The following PTPRS variants were observed in gnomAD, a reference collection of about 807,000 sequenced individuals.
PTPRS encodes the protein protein tyrosine phosphatase receptor type S.
In PTPRS, 63 loss-of-function variants were observed where a neutral mutation model predicts 215.3. The ratio of observed to expected loss-of-function variants is 0.29; its 90% CI spans 0.24 to 0.36. The LOEUF (loss-of-function observed/expected upper bound fraction) is 0.36. PTPRS is among the 10% of genes least tolerant of loss of function. PTPRS has a pLI of 1.00. For missense variants in PTPRS, 2,258 were observed against 2,825.8 expected (o/e 0.80, Z 4.56); for synonymous variants, 1,404 against 1,191.4 (o/e 1.18, Z -3.68).
At chr19:5,212,271 C>A (rs753380597) in intron 31 of PTPRS, 21 bp from the exon 32 acceptor site, 1 of 1,608,278 alleles carries the variant, frequency 6.2e-7, no homozygotes, top group Non-Finnish European at 8.5e-7. Flanking sequence ...AGCCACGTGG[C>A]GTTCAGGGGC....
intron 12 of PTPRS, 118 bp from the exon 13 acceptor site, chr19:5,239,181 G>A (rs574151313): frequency 4.8e-5 from 34 of 705,578 alleles, no homozygotes; most frequent in Non-Finnish European, 6.8e-5. Context: ...GAGAGAGAGA[G>A]AGAGAGACAG....
At chr19:5,264,912 GTCC>G (rs1197127865) in intron 5 of PTPRS, 93 bp downstream of exon 5, 109 of 1,388,920 alleles carry the variant, frequency 7.8e-5, no homozygotes, top group Non-Finnish European at 1.0e-4. Context: ...GTCTCTGTCT[GTCC>G]TCCAGTAGTC....
intron 1 of PTPRS, among the ~76,000 whole-genome samples, chr19:5,325,639 C>T (rs1188842706): frequency 5.3e-5 from 8 of 152,220 alleles, no homozygotes; most frequent in African/African-American, 1.9e-4. Context: ...TCCCCAAGGA[C>T]AGGCCCCCAC....
Position 5,206,856 on chromosome 19 carries a change from G to T in PTPRS, c.5779-14C>A, listed in dbSNP as rs369209182. ...CTGGTACTCATCCTGGGGGAGCAGA[G>T]GTGACCTGTTAGTACCTCCGCTGCT... On this transcript the variant is annotated splice_polypyrimidine_tract_variant and intron_variant, in intron 37 of 37. Transcript: ENST00000262963. 5 of 1,613,724 alleles carry T rather than the reference G, an allele frequency of 3.1e-6. No homozygotes were observed. Among genetic ancestry groups the T allele is most frequent in the Non-Finnish European group, 4.2e-6 (5 of 1,179,668 alleles).
intron 1 of PTPRS, among the ~76,000 whole-genome samples, chr19:5,331,658 A>C (rs1247004017): frequency 6.6e-6 from 1 of 152,194 alleles, no homozygotes; most frequent in Non-Finnish European, 1.5e-5. Context: ...CAGTACACTC[A>C]ACGAGTAATA....
intron 1 of PTPRS, among the ~76,000 whole-genome samples, chr19:5,297,443 A>G (rs2049169884): frequency 6.6e-6 from 1 of 152,194 alleles, no homozygotes; most frequent in African/African-American, 2.4e-5. Flanking sequence ...TGCTGTGCTG[A>G]GGACACAGTG....
intron 17 of PTPRS, among the ~76,000 whole-genome samples, chr19:5,224,913 G>C (rs2042338965): frequency 6.6e-6 from 1 of 152,128 alleles, no homozygotes; most frequent in African/African-American, 2.4e-5. Context: ...TCCCCGAGGA[G>C]AGGGTGGGTG....
intron 1 of PTPRS, among the ~76,000 whole-genome samples, chr19:5,331,868 C>T (rs60175272): frequency 6.6e-6 from 1 of 152,078 alleles, no homozygotes; most frequent in African/African-American, 2.4e-5. Context: ...CAACGTTTAT[C>T]GAGCGCGGAC....
chr19:5,229,265 G>A (rs565324113), intron 16 of PTPRS, 51 bp downstream of exon 16: 18 of 1,361,640 alleles, frequency 1.3e-5, no homozygotes, highest in African/African-American at 1.1e-4. Context: ...AGCACAGCAC[G>A]GCCCGCGGGA....
At chr19:5,260,230 G>A (rs1740972031) in intron 7 of PTPRS, among the ~76,000 whole-genome samples, 1 of 148,728 alleles carries the variant, frequency 6.7e-6, no homozygotes, top group Non-Finnish European at 1.5e-5. Flanking sequence ...AGGCTGGAGT[G>A]CAGTGGCATG....
At chr19:5,234,037 C>G (rs755197223) in intron 13 of PTPRS, among the ~76,000 whole-genome samples, 11 of 145,990 alleles carry the variant, frequency 7.5e-5, no homozygotes, top group Non-Finnish European at 1.2e-4. Flanking sequence ...TATTAGCTAC[C>G]TACCATGTGC....
At chr19:5,277,125 T>A (rs1271233771) in intron 2 of PTPRS, among the ~76,000 whole-genome samples, 1 of 149,804 alleles carries the variant, frequency 6.7e-6, no homozygotes, top group Non-Finnish European at 1.5e-5. Context: ...AGTGGCGCGA[T>A]CTTGGCTCAC....
chr19:5,276,588 T>C (rs1477537716), intron 2 of PTPRS, among the ~76,000 whole-genome samples: 1 of 146,246 alleles, frequency 6.8e-6, no homozygotes, highest in East Asian at 2.1e-4. Flanking sequence ...TTGCCCAGGC[T>C]GGAGTGCAGT....
chr19:5,319,950 T>C (rs934470400), intron 1 of PTPRS, among the ~76,000 whole-genome samples: 23 of 152,162 alleles, frequency 1.5e-4, no homozygotes, highest in African/African-American at 5.6e-4. Flanking sequence ...GTATTTTGCC[T>C]ATCATCTCTC....
chr19:5,262,351 A>G (rs1200258868), intron 6 of PTPRS, among the ~76,000 whole-genome samples: 1 of 152,228 alleles, frequency 6.6e-6, no homozygotes, highest in Non-Finnish European at 1.5e-5. Context: ...TCCCTTAGCC[A>G]TTAAAAGGTG....
At chr19:5,330,896 G>A (rs571192318) in intron 1 of PTPRS, among the ~76,000 whole-genome samples, 2 of 152,200 alleles carry the variant, frequency 1.3e-5, no homozygotes, top group East Asian at 1.9e-4. Context: ...CGGAAACCCC[G>A]GCAGTTCACA....
At chr19:5,272,151 G>C (rs913475252) in intron 4 of PTPRS, among the ~76,000 whole-genome samples, 2 of 152,292 alleles carry the variant, frequency 1.3e-5, no homozygotes, top group Middle Eastern at 3.4e-3. Context: ...AGACCAAACT[G>C]CAGTGGAGAA....
chr19:5,250,480 C>T (rs1161338627), intron 9 of PTPRS, among the ~76,000 whole-genome samples: 1 of 152,118 alleles, frequency 6.6e-6, no homozygotes, highest in Admixed American at 6.5e-5. Context: ...CCCCGCGGGA[C>T]CCCCGCCCCC....
chr19:5,228,636 G>A (rs757921036), intron 16 of PTPRS, among the ~76,000 whole-genome samples: 2 of 152,136 alleles, frequency 1.3e-5, no homozygotes, highest in East Asian at 1.9e-4. Flanking sequence ...GAGCCACCAC[G>A]CCCAGCCAAG....
Sources: allele counts gnomAD v4.1 joint callset (sites outside exome capture counted in the v4.1 genomes callset), GRCh38; gene constraint gnomAD v4.1.1; transcripts MANE v1.5; gene names NCBI Gene and HGNC (gene_info 2026-07-23, HGNC 2026-07-21).